The following PACC1 variants were observed in gnomAD, a reference collection of about 807,000 sequenced individuals.
The protein encoded by PACC1 is proton-activated chloride channel.
PACC1 carries 34 observed loss-of-function variants against 39.7 expected under a neutral mutation model. That is an observed-to-expected ratio of 0.86 (90% CI 0.65 to 1.14). The LOEUF is 1.14. Among genes scored for constraint, PACC1 ranks in the 50% most tolerant of loss-of-function variants. PACC1 has a pLI of 0.00. For missense variants in PACC1, 379 were observed against 436.4 expected (o/e 0.87, Z 1.17); for synonymous variants, 127 against 160.6 (o/e 0.79, Z 1.58).
intron 7 of PACC1, among the ~76,000 whole-genome samples, chr1:212,368,090 TCTCTCTGATC>T (rs1660308170): frequency 6.6e-6 from 1 of 152,114 alleles, no homozygotes; most frequent in South Asian, 2.1e-4. Context: ...CCCAGGGCAT[TCTCTCTGATC>T]CTCCCCAAGT....
chr1:212,406,984 G>A (rs563559265), intron 2 of PACC1, among the ~76,000 whole-genome samples: 1 of 152,260 alleles, frequency 6.6e-6, no homozygotes, highest in Admixed American at 6.5e-5. Flanking sequence ...AGAGGGTAGT[G>A]CAAGGTGTGG....
intron 2 of PACC1, among the ~76,000 whole-genome samples, chr1:212,398,078 C>G (rs1661585981): frequency 6.6e-6 from 1 of 152,174 alleles, no homozygotes; most frequent in Non-Finnish European, 1.5e-5. Flanking sequence ...AAATGCATTA[C>G]ACAGTGCCTG....
chr1:212,374,974 C>G (rs1660594425), intron 7 of PACC1, among the ~76,000 whole-genome samples: 2 of 151,980 alleles, frequency 1.3e-5, no homozygotes, highest in African/African-American at 4.8e-5. Context: ...GAAGACAAGA[C>G]CAAACACAAA....
At chr1:212,414,042 G>C in intron 1 of PACC1, 1 of 1,535,746 alleles carries the variant, frequency 6.5e-7, no homozygotes, top group Non-Finnish European at 8.7e-7. Context: ...GAGAAGTGAG[G>C]AGGCAGGGCT....
intron 5 of PACC1, among the ~76,000 whole-genome samples, chr1:212,378,750 C>A (rs1436234754): frequency 6.6e-6 from 1 of 152,116 alleles, no homozygotes; most frequent in East Asian, 1.9e-4. Context: ...ACCAGAGATG[C>A]AGTAGACCCT....
intron 7 of PACC1, among the ~76,000 whole-genome samples, chr1:212,368,803 C>T (rs545697568): frequency 5.9e-5 from 9 of 151,946 alleles, no homozygotes; most frequent in African/African-American, 1.4e-4. Flanking sequence ...GAGGCCGAGG[C>T]GGGCGGATCA....
In PACC1 at chr1:212,386,321, T is replaced by C. The variant is rs903169563; in HGVS notation, c.343+570A>G. 1.3e-5 allele frequency among the ~76,000 whole-genome samples: 2 copies of C among 152,126 alleles called. No individual in the cohort carries two copies. The highest frequency in any genetic ancestry group is 2.9e-5 in the Non-Finnish European group (2 of 68,018). ...TGCCAGCCCTGCAGCCCAGAGCAGATAGCTTGCTCTATAGCAGAGTGGACT... is the reference window on the plus strand; with the variant it reads ...TGCCAGCCCTGCAGCCCAGAGCAGACAGCTTGCTCTATAGCAGAGTGGACT... On this transcript the variant is annotated intron_variant, in intron 3 of 7. Coordinates refer to ENST00000261455, the MANE Select transcript of PACC1 (RefSeq NM_018252.3). This position sits in a 1 kb window ranked among gnomAD's most constrained non-coding sequence, Gnocchi z 5.0.
At position 212,364,239 on chromosome 1, in the gene PACC1, G is replaced by A. The variant is rs1386592598; in HGVS notation, c.*976C>T. ...CCTTCCTCATATGATGGGTAGTTTT[G>A]TGGACACAGTAAAGAGTTAACCCAG... On this transcript the variant is annotated 3_prime_UTR_variant, in exon 8 of 8. Coordinates refer to ENST00000261455, the MANE Select transcript of PACC1 (RefSeq NM_018252.3). 6.6e-6 allele frequency: 1 copy of A among 152,066 alleles called. No homozygotes were observed. Among genetic ancestry groups the A allele is most frequent in the African/African-American group, 2.4e-5 (1 of 41,380 alleles). The allele number at this position is 152,066 out of a possible 1,614,324, so 9.4% of individuals were successfully genotyped here.
intron 7 of PACC1, among the ~76,000 whole-genome samples, chr1:212,368,884 T>G (rs1571625591): frequency 1.3e-5 from 2 of 151,942 alleles, no homozygotes; most frequent in African/African-American, 4.8e-5. Context: ...TACAAAAAAT[T>G]AGCCGGGCGT....
At chr1:212,373,214 G>A (rs533356971) in intron 7 of PACC1, among the ~76,000 whole-genome samples, 6 of 152,102 alleles carry the variant, frequency 3.9e-5, no homozygotes, top group Middle Eastern at 3.4e-3. Context: ...TATATGCAAC[G>A]AACTCATTTT....
At chr1:212,414,352 C>A (rs1172985608) in intron 1 of PACC1, among the ~76,000 whole-genome samples, 1 of 152,200 alleles carries the variant, frequency 6.6e-6, no homozygotes, top group African/African-American at 2.4e-5. Flanking sequence ...CCACTTGTTG[C>A]AAAGAACGCC....
At chr1:212,366,781 C>T (rs1660261047) in intron 7 of PACC1, among the ~76,000 whole-genome samples, 1 of 152,138 alleles carries the variant, frequency 6.6e-6, no homozygotes, top group Admixed American at 6.6e-5. Context: ...AGCCCTTCTC[C>T]CCAGTCTTGA....
chr1:212,386,729 C>A lies in PACC1; in HGVS notation c.343+162G>T, dbSNP rs1016191796. On this transcript the variant is annotated intron_variant, in intron 3 of 7. Coordinates refer to ENST00000261455, the MANE Select transcript of PACC1 (RefSeq NM_018252.3). The surrounding 1 kb of genome is among the most constrained non-coding windows in gnomAD (Gnocchi z 5.0). Reference sequence around the variant, plus strand: ...CTGTCCTCAGCACGTAACACACTCCCAACAGCAGCTCCTTGGGCATAGACT... The same window carrying A: ...CTGTCCTCAGCACGTAACACACTCCAAACAGCAGCTCCTTGGGCATAGACT... Among the ~76,000 whole-genome samples, 1 of 152,116 alleles carries A rather than the reference C, an allele frequency of 6.6e-6. No homozygotes were observed. The highest frequency in any genetic ancestry group is 1.5e-5 in the Non-Finnish European group (1 of 68,026).
At chr1:212,370,976 A>C (rs557908456) in intron 7 of PACC1, among the ~76,000 whole-genome samples, 1 of 152,312 alleles carries the variant, frequency 6.6e-6, no homozygotes, top group Non-Finnish European at 1.5e-5. Flanking sequence ...GGCCGGGCGC[A>C]GTGGCTCACA....
chr1:212,371,241 C>CAAAAAAAAA (rs1189603478), intron 7 of PACC1, among the ~76,000 whole-genome samples: 1 of 88,786 alleles, frequency 1.1e-5, no homozygotes. Context: ...GACTCCATTT[C>CAAAAAAAAA]AAAAAAAAAA....
intron 5 of PACC1, 38 bp from the exon 6 acceptor site, chr1:212,377,744 G>A: frequency 6.2e-7 from 1 of 1,607,068 alleles, no homozygotes. Flanking sequence ...CCAGGTCAAT[G>A]CAGGTCTGGC....
At position 212,385,223 on chromosome 1, in the gene PACC1, C is replaced by T. The variant is rs754094623; in HGVS notation, c.495+51G>A. ...AAAGGAAACTTGGGGCCTTGGGTTG[C>T]GGGGCTAACAGAGCAGCTGCCCAGA... On this transcript the variant is annotated intron_variant, in intron 4 of 7. Transcript: ENST00000261455. The T allele has an allele frequency of 3.7e-5, 60 of 1,607,162 alleles. No homozygotes were observed. In the South Asian group the frequency reaches 4.1e-4, roughly 11 times the overall value.
At chr1:212,397,557 T>A (rs1558178958) in intron 2 of PACC1, among the ~76,000 whole-genome samples, 1 of 152,200 alleles carries the variant, frequency 6.6e-6, no homozygotes, top group Non-Finnish European at 1.5e-5. Context: ...AAGGAAATAA[T>A]TCATTCTTTA....
intron 2 of PACC1, among the ~76,000 whole-genome samples, chr1:212,388,074 AAAAG>A (rs1047676499): frequency 5.1e-4 from 78 of 151,976 alleles, no homozygotes; most frequent in Non-Finnish European, 8.2e-4. Context: ...AAAAAAAGAA[AAAAG>A]AAAGAAAGAC....
Sources: allele counts gnomAD v4.1 joint callset (sites outside exome capture counted in the v4.1 genomes callset), GRCh38; gene constraint gnomAD v4.1.1; non-coding constraint Gnocchi (gnomAD v3.1); transcripts MANE v1.5; gene names NCBI Gene and HGNC (gene_info 2026-07-23, HGNC 2026-07-21).